SCP2: variants seen among roughly 807,000 people sequenced by gnomAD.
The protein encoded by SCP2 is sterol carrier protein 2, also known as SCP-2/3-oxoacyl-CoA thiolase.
A neutral mutation model predicts 71.4 loss-of-function variants in SCP2; 48 were observed. The ratio of observed to expected loss-of-function variants is 0.67; its 90% CI spans 0.53 to 0.86. SCP2 has a LOEUF of 0.86. Among genes scored for constraint, SCP2 ranks in the 40% least tolerant of loss-of-function variants. The pLI is 0.00. For missense variants in SCP2, 560 were observed against 655.6 expected (o/e 0.85, Z 1.59); for synonymous variants, 220 against 218.1 (o/e 1.01, Z -0.08).
At chr1:52,993,719 C>T in intron 11 of SCP2, 1 of 1,610,884 alleles carries the variant, frequency 6.2e-7, no homozygotes, top group East Asian at 2.2e-5. Flanking sequence ...ACTTAGGAAA[C>T]AAAACATTTG....
chr1:52,970,027 T>C (rs1657321965), intron 6 of SCP2, among the ~76,000 whole-genome samples: 1 of 152,244 alleles, frequency 6.6e-6, no homozygotes, highest in Admixed American at 6.5e-5. Context: ...GTGTTAAATG[T>C]ATCACATTGA....
At chr1:52,978,151 C>T (rs1658150022) in intron 8 of SCP2, 66 bp from the exon 9 acceptor site, 2 of 1,500,720 alleles carry the variant, frequency 1.3e-6, no homozygotes, top group African/African-American at 1.4e-5. Flanking sequence ...ATAGAAGTAA[C>T]TCCTAGTCTG....
chr1:52,986,769 G>T (rs1557588226), intron 10 of SCP2, among the ~76,000 whole-genome samples: 4 of 151,118 alleles, frequency 2.6e-5, no homozygotes, highest in East Asian at 1.9e-4. Context: ...TATCTGTGGG[G>T]TTTTTTTTCT....
At chr1:53,042,133 A>G (rs1055498197) in intron 14 of SCP2, among the ~76,000 whole-genome samples, 1 of 152,144 alleles carries the variant, frequency 6.6e-6, no homozygotes, top group Non-Finnish European at 1.5e-5. Context: ...TCCTTCCAAA[A>G]TGAATGGGAA....
At chr1:52,985,048 G>A (rs4341318) in intron 10 of SCP2, among the ~76,000 whole-genome samples, 21,727 of 151,278 alleles carry the variant, frequency 0.14, 2,107 homozygotes, top group East Asian at 0.32. Context: ...TCACCATGTT[G>A]GTCAGGCTGG....
intron 14 of SCP2, among the ~76,000 whole-genome samples, chr1:53,041,741 A>C (rs1289959200): frequency 6.6e-6 from 1 of 152,160 alleles, no homozygotes; most frequent in Non-Finnish European, 1.5e-5. Flanking sequence ...TGTATAGAAG[A>C]AGCGTGTCTA....
At chr1:52,998,320 G>A (rs1295994729) in intron 11 of SCP2, among the ~76,000 whole-genome samples, 1 of 152,220 alleles carries the variant, frequency 6.6e-6, no homozygotes, top group South Asian at 2.1e-4. Context: ...AAAAGGCCAG[G>A]TGCAGTAGCT....
At chr1:52,928,853 A>G (rs1375370147) in intron 1 of SCP2, 1 of 154,416 alleles carries the variant, frequency 6.5e-6, no homozygotes, top group Non-Finnish European at 1.5e-5. Flanking sequence ...CTAGTGTTTC[A>G]CAGAAGGGGA....
chr1:52,996,622 C>T (rs1416218734), intron 11 of SCP2, among the ~76,000 whole-genome samples: 1 of 152,186 alleles, frequency 6.6e-6, no homozygotes, highest in Non-Finnish European at 1.5e-5. Flanking sequence ...CCCACTCTGT[C>T]AAGTGGAATC....
intron 12 of SCP2, among the ~76,000 whole-genome samples, chr1:53,024,572 TTTTTC>T (rs1440479900): frequency 1.4e-5 from 2 of 142,090 alleles, no homozygotes; most frequent in East Asian, 2.1e-4. Context: ...TCTTTCTTTT[TTTTTC>T]TTTTTTTTTT....
chr1:53,013,879 A>ATTT (rs1661144162), intron 11 of SCP2, among the ~76,000 whole-genome samples: 2 of 101,958 alleles, frequency 2.0e-5, no homozygotes, highest in African/African-American at 3.6e-5. Context: ...CTGATAGAAC[A>ATTT]TTCTTTTTTT....
At chr1:52,941,389 G>A (rs1371768608) in intron 1 of SCP2, among the ~76,000 whole-genome samples, 3 of 152,140 alleles carry the variant, frequency 2.0e-5, no homozygotes, top group African/African-American at 7.2e-5. Context: ...TAATAATAAT[G>A]TGTTTTTTGT....
At chr1:52,960,440 G>T (rs1656236448) in intron 5 of SCP2, among the ~76,000 whole-genome samples, 1 of 150,838 alleles carries the variant, frequency 6.6e-6, no homozygotes, top group African/African-American at 2.4e-5. Flanking sequence ...CAAAGTGTTG[G>T]GATTACAGGC....
chr1:52,950,226 T>C (rs1655168296), intron 3 of SCP2, among the ~76,000 whole-genome samples: 1 of 152,168 alleles, frequency 6.6e-6, no homozygotes. Flanking sequence ...GTTCAAGTGA[T>C]TCTTCTGCCT....
intron 5 of SCP2, among the ~76,000 whole-genome samples, chr1:52,960,480 ATGTG>A (rs71044447): frequency 0.35 from 48,371 of 139,404 alleles, 8,927 homozygotes; most frequent in East Asian, 0.64. Flanking sequence ...TACTATGTAT[ATGTG>A]TGTGTGTGTG....
intron 1 of SCP2, among the ~76,000 whole-genome samples, chr1:52,938,861 T>C (rs1653966370): frequency 6.6e-6 from 1 of 152,224 alleles, no homozygotes; most frequent in African/African-American, 2.4e-5. Flanking sequence ...TTCTATGGAT[T>C]TTGAAAAATG....
chr1:52,945,689 T>A (rs1654716389), intron 2 of SCP2, among the ~76,000 whole-genome samples: 1 of 151,364 alleles, frequency 6.6e-6, no homozygotes, highest in Non-Finnish European at 1.5e-5. Context: ...GGCAACAGAG[T>A]GAGGCTGTGT....
In SCP2 at chr1:52,931,982, C is replaced by T. The variant is rs140921739; in HGVS notation, c.69+4517C>T. On this transcript the variant is annotated intron_variant, in intron 1 of 15. Coordinates refer to ENST00000371514, the MANE Select transcript of SCP2 (RefSeq NM_002979.5). ...AGGAAAGAGCTCTTAGGAAATTAAA[C>T]ATATTTTGACCAAAACAAAATATTC... is the stretch of plus-strand genomic sequence containing the variant. Among the ~76,000 whole-genome samples, 84 of 151,674 alleles carry T rather than the reference C, an allele frequency of 5.5e-4. No individual in the cohort carries two copies. The East Asian group carries it at 0.015, about 28-fold the overall frequency.
At chr1:52,965,220 T>C (rs941348895) in intron 6 of SCP2, among the ~76,000 whole-genome samples, 1 of 152,212 alleles carries the variant, frequency 6.6e-6, no homozygotes, top group African/African-American at 2.4e-5. Flanking sequence ...CCTCATAGTT[T>C]TTCTTTTTCA....
Sources: allele counts gnomAD v4.1 joint callset (sites outside exome capture counted in the v4.1 genomes callset), GRCh38; gene constraint gnomAD v4.1.1; transcripts MANE v1.5; gene names NCBI Gene and HGNC (gene_info 2026-07-23, HGNC 2026-07-21).